The following PPARGC1A variants were observed in gnomAD, a reference collection of about 807,000 sequenced individuals.
The protein encoded by PPARGC1A is peroxisome proliferator-activated receptor gamma coactivator 1-alpha.
PPARGC1A carries 25 observed loss-of-function variants against 88.7 expected under a neutral mutation model. The observed-to-expected ratio is 0.28, with a 90% CI of 0.21 to 0.39. PPARGC1A has a LOEUF of 0.39. PPARGC1A is among the 10% of genes least tolerant of loss of function. The probability of loss-of-function intolerance (pLI) is 1.00; values close to 1 mark genes in which losing one functional copy is unlikely to be tolerated. For synonymous variants in PPARGC1A, 363 were observed against 355.6 expected (o/e 1.02, Z -0.24); for missense variants, 880 against 968.7 (o/e 0.91, Z 1.22).
the PPARGC1A span, among the ~76,000 whole-genome samples, chr4:24,155,854 A>C: frequency 2.0e-5 from 3 of 152,190 alleles, no homozygotes; most frequent in Non-Finnish European, 1.5e-5. Context: ...AAGTGGGCAG[A>C]TGCAAGTTAC....
chr4:24,055,402 G>C, the PPARGC1A span, among the ~76,000 whole-genome samples: 1 of 152,126 alleles, frequency 6.6e-6, no homozygotes, highest in Non-Finnish European at 1.5e-5. Flanking sequence ...CCTTAGTTAC[G>C]AACCTTTCTC....
rs561765570 is a variant in PPARGC1A at position 23,824,878 on chromosome 4, G to A, written c.758-370C>T. ...ACAGCAGAGCAACTATAAGGCGACA[G>A]AACATTATGAATATTCAGTTGATTT... On this transcript the variant is annotated intron_variant, in intron 5 of 12. Coordinates refer to ENST00000264867, the MANE Select transcript of PPARGC1A (RefSeq NM_013261.5). 1.4e-3 allele frequency among the ~76,000 whole-genome samples: 220 copies of A among 152,174 alleles called. 4 individuals are homozygous for A. Among genetic ancestry groups the A allele is most frequent in the Non-Finnish European group, 2.1e-4 (14 of 67,972 alleles).
chr4:24,283,692 A>G, the PPARGC1A span, among the ~76,000 whole-genome samples: 89 of 152,294 alleles, frequency 5.8e-4, 1 homozygote, highest in East Asian at 0.012. Context: ...AGTGGTTAGA[A>G]GCAGAGGCCC....
chr4:24,287,693 T>C, the PPARGC1A span, among the ~76,000 whole-genome samples: 32 of 150,270 alleles, frequency 2.1e-4, no homozygotes, highest in Admixed American at 3.3e-4. Context: ...GCACTTTCCA[T>C]GGATGGAGAA....
At chr4:24,284,234 G>C in the PPARGC1A span, among the ~76,000 whole-genome samples, 61 of 152,084 alleles carry the variant, frequency 4.0e-4, no homozygotes, top group Non-Finnish European at 1.3e-4. Flanking sequence ...GCTTGAACCC[G>C]GGAGGCAGAG....
the PPARGC1A span, among the ~76,000 whole-genome samples, chr4:24,017,524 C>T: frequency 7.9e-5 from 12 of 151,884 alleles, no homozygotes; most frequent in East Asian, 3.9e-4. Flanking sequence ...AGAGAGATAG[C>T]GCACATACAG....
chr4:23,967,476 G>T, the PPARGC1A span, among the ~76,000 whole-genome samples: 1 of 152,134 alleles, frequency 6.6e-6, no homozygotes, highest in Non-Finnish European at 1.5e-5. Context: ...AGCAGCTCCA[G>T]TGCTGATGGG....
the PPARGC1A span, among the ~76,000 whole-genome samples, chr4:24,047,821 C>T: frequency 6.6e-6 from 1 of 152,186 alleles, no homozygotes; most frequent in East Asian, 1.9e-4. Context: ...GGAAGCTATA[C>T]AATCGTCCAT....
At chr4:23,994,615 C>T in the PPARGC1A span, among the ~76,000 whole-genome samples, 12 of 152,106 alleles carry the variant, frequency 7.9e-5, no homozygotes, top group Non-Finnish European at 1.6e-4. Context: ...GCCCACATTC[C>T]TTGCAATATG....
the PPARGC1A span, among the ~76,000 whole-genome samples, chr4:24,005,390 T>C: frequency 3.3e-5 from 5 of 151,998 alleles, no homozygotes; most frequent in South Asian, 2.1e-4. Context: ...GTCTGGAGAG[T>C]TGGAAATGGT....
chr4:23,925,326 A>G, the PPARGC1A span, among the ~76,000 whole-genome samples: 3 of 152,230 alleles, frequency 2.0e-5, no homozygotes, highest in African/African-American at 7.2e-5. Flanking sequence ...CTGCACACCA[A>G]TCCCCGCAGG....
At chr4:24,015,727 T>C in the PPARGC1A span, among the ~76,000 whole-genome samples, 1 of 152,164 alleles carries the variant, frequency 6.6e-6, no homozygotes, top group African/African-American at 2.4e-5. Flanking sequence ...CTGGTAGATG[T>C]GTTAAGTTGC....
the PPARGC1A span, among the ~76,000 whole-genome samples, chr4:23,971,416 T>G: frequency 1.3e-5 from 2 of 152,194 alleles, no homozygotes; most frequent in Admixed American, 6.5e-5. Context: ...ACACAACTAA[T>G]AGGACAGAAA....
the PPARGC1A span, among the ~76,000 whole-genome samples, chr4:24,374,387 C>T: frequency 6.6e-6 from 1 of 151,622 alleles, no homozygotes; most frequent in Non-Finnish European, 1.5e-5. Context: ...GGGAACATCG[C>T]ACATTGGGGT....
At chr4:24,043,518 C>T in the PPARGC1A span, among the ~76,000 whole-genome samples, 1 of 152,076 alleles carries the variant, frequency 6.6e-6, no homozygotes. Flanking sequence ...TATAAACACC[C>T]CTTTTCTCAT....
the PPARGC1A span, among the ~76,000 whole-genome samples, chr4:23,965,971 G>C: frequency 6.6e-6 from 1 of 152,064 alleles, no homozygotes; most frequent in Admixed American, 6.5e-5. Context: ...AATAAAGCAT[G>C]CCAAACAAGC....
chr4:23,970,777 G>A, the PPARGC1A span, among the ~76,000 whole-genome samples: 3 of 152,094 alleles, frequency 2.0e-5, no homozygotes, highest in African/African-American at 7.2e-5. Context: ...ATACCAGGTC[G>A]GTATCTATTC....
the PPARGC1A span, among the ~76,000 whole-genome samples, chr4:24,064,069 C>G: frequency 6.6e-6 from 1 of 152,300 alleles, no homozygotes; most frequent in East Asian, 1.9e-4. Context: ...CCTTCCCTTT[C>G]CCCATCTCCT....
the PPARGC1A span, among the ~76,000 whole-genome samples, chr4:24,437,051 A>G: frequency 1.3e-5 from 2 of 152,234 alleles, no homozygotes; most frequent in Non-Finnish European, 2.9e-5. Context: ...TCCCCATTAG[A>G]TGTGAAACTC....
Sources: gnomAD v4.1 joint callset for allele counts (sites outside exome capture counted in the v4.1 genomes callset) on GRCh38, gnomAD v4.1.1 for gene constraint, MANE v1.5 for transcripts, NCBI Gene and HGNC (gene_info 2026-07-23, HGNC 2026-07-21) for gene names.